Variants in CEP126 observed in about 807,000 individuals in gnomAD.
CEP126 encodes the protein centrosomal protein of 126 kDa.
In CEP126, 74 loss-of-function variants were observed where a neutral mutation model predicts 107.8. The observed-to-expected ratio is 0.69, with a 90% CI of 0.57 to 0.83. CEP126 has a LOEUF of 0.83. Ranked by LOEUF, CEP126 falls within the 40% of genes least tolerant of loss-of-function variation. CEP126 has a pLI of 0.00. For missense variants in CEP126, 1,237 were observed against 1,281.9 expected, an observed-to-expected ratio of 0.96 and a Z score of 0.53; for synonymous variants, 449 against 446.0, an observed-to-expected ratio of 1.01 and a Z score of -0.08.
chr11:101,936,868 C>T (rs1473203282), intron 2 of CEP126, among the ~76,000 whole-genome samples: 1 of 152,154 alleles, frequency 6.6e-6, no homozygotes, highest in Non-Finnish European at 1.5e-5. Context: ...ATTTCACATT[C>T]CATGGATAAC....
chr11:101,970,593 T>C (rs1440560070), intron 6 of CEP126, among the ~76,000 whole-genome samples: 1 of 152,182 alleles, frequency 6.6e-6, no homozygotes, highest in Non-Finnish European at 1.5e-5. Flanking sequence ...TATTTAAATC[T>C]GATTTCAAAA....
chr11:101,921,565 G>C (rs1591266687), intron 1 of CEP126, among the ~76,000 whole-genome samples: 1 of 151,654 alleles, frequency 6.6e-6, no homozygotes, highest in African/African-American at 2.4e-5. Flanking sequence ...AAATTGACTA[G>C]GTGTGGTGGC....
At chr11:101,927,228 G>A (rs192285954) in intron 2 of CEP126, among the ~76,000 whole-genome samples, 19 of 152,220 alleles carry the variant, frequency 1.2e-4, no homozygotes, top group African/African-American at 4.1e-4. Flanking sequence ...CCTGAACCTG[G>A]GAGGCAAAGG....
chr11:101,915,200 A>AG lies in CEP126; in HGVS notation c.-81dup. The AG allele has an allele frequency of 2.2e-5, 34 of 1,576,366 alleles. No homozygotes were observed. The highest frequency in any genetic ancestry group is 2.9e-5 in the Non-Finnish European group (34 of 1,158,444). On this transcript the variant is annotated 5_prime_UTR_variant, in exon 1 of 11. Coordinates refer to ENST00000263468, the MANE Select transcript of CEP126 (RefSeq NM_020802.4). ...GGGGCCTGAGAGACGGAGTGTAGGGAGGGGCCGAGCAGGAGGAGGAGGAAG... is the reference window on the plus strand; with the variant it reads ...GGGGCCTGAGAGACGGAGTGTAGGGAGGGGGCCGAGCAGGAGGAGGAGGAAG...
chr11:101,953,338 C>G (rs1940838190), intron 4 of CEP126, among the ~76,000 whole-genome samples: 1 of 152,074 alleles, frequency 6.6e-6, no homozygotes, highest in Admixed American at 6.6e-5. Context: ...ACTAATTATC[C>G]AGAGAAATAG....
chr11:101,955,846 A>G (rs1940879063), intron 4 of CEP126: 1 of 455,894 alleles, frequency 2.2e-6, no homozygotes, highest in South Asian at 1.6e-5. Flanking sequence ...TACCTGATCA[A>G]CTGTCTCCTC....
At chr11:101,979,749 T>C (rs116213936) in intron 7 of CEP126, among the ~76,000 whole-genome samples, 1,873 of 151,944 alleles carry the variant, frequency 0.012, 35 homozygotes, top group African/African-American at 0.042. Context: ...CAAAACAAAT[T>C]AAATAAATAA....
rs75903744 is a variant in CEP126, at chr11:101,931,403, G to A, written c.248+8643G>A. Among the ~76,000 whole-genome samples, 758 of 152,046 alleles carry A rather than the reference G, an allele frequency of 5.0e-3. 5 individuals carry two copies. The highest frequency in any genetic ancestry group is 0.017 in the African/African-American group (722 of 41,470). Reference sequence around the variant, plus strand: ...AGGATTTCAAATAATTTTATGTCTCGGAAAGCACAGGATTATAATCTGGGA... The same window carrying A: ...AGGATTTCAAATAATTTTATGTCTCAGAAAGCACAGGATTATAATCTGGGA... On this transcript the variant is annotated intron_variant, in intron 2 of 10. Coordinates refer to ENST00000263468, the MANE Select transcript of CEP126 (RefSeq NM_020802.4).
intron 6 of CEP126, among the ~76,000 whole-genome samples, chr11:101,966,939 T>TA (rs1183078731): frequency 6.6e-6 from 1 of 151,976 alleles, no homozygotes; most frequent in Non-Finnish European, 1.5e-5. Context: ...TCCCTACTCT[T>TA]ACTCCTACCA....
chr11:101,915,042 A>C lies in CEP126; in HGVS notation c.-243A>C, dbSNP rs1011931505. 1 of 461,168 alleles carries C rather than the reference A, an allele frequency of 2.2e-6. No homozygotes were observed. The highest frequency in any genetic ancestry group is 3.8e-6 in the Non-Finnish European group (1 of 262,512). The allele number at this position is 461,168 out of a possible 1,614,324, so 28.6% of individuals were successfully genotyped here. On this transcript the variant is annotated 5_prime_UTR_variant, in exon 1 of 11. Coordinates refer to ENST00000263468, the MANE Select transcript of CEP126 (RefSeq NM_020802.4). ...CGGTTGTTGTCAAGATGGCGGCTGC[A>C]GGGTTGCTGCCGCCCCATCTGCTAT...
chr11:101,997,163 G>A (rs1662319406), intron 10 of CEP126, among the ~76,000 whole-genome samples: 2 of 152,166 alleles, frequency 1.3e-5, no homozygotes, highest in African/African-American at 4.8e-5. Flanking sequence ...TCAGCCTCCC[G>A]AGCAGCTGGG....
At chr11:101,952,086 T>C (rs1053733653) in intron 4 of CEP126, among the ~76,000 whole-genome samples, 1 of 152,192 alleles carries the variant, frequency 6.6e-6, no homozygotes, top group East Asian at 1.9e-4. Flanking sequence ...CGAAGTTAGA[T>C]AGATGAGGAG....
chr11:101,992,170 C>T (rs199548195), intron 9 of CEP126, among the ~76,000 whole-genome samples: 2 of 58,272 alleles, frequency 3.4e-5, no homozygotes, highest in African/African-American at 1.2e-4. Flanking sequence ...AAATAAAAAG[C>T]AGGGAGCTAC....
At position 101,985,393 on chromosome 11, in the gene CEP126, C is replaced by T. The variant is rs918825129; in HGVS notation, c.3035-1439C>T. On this transcript the variant is annotated intron_variant, in intron 8 of 10. Coordinates refer to ENST00000263468, the MANE Select transcript of CEP126 (RefSeq NM_020802.4). Reference sequence around the variant, plus strand: ...CGCCTCTCAAGTTCAAGCAATTCTCCTGCATCAGCCTCCCAAGTAGCTGGG... The same window carrying T: ...CGCCTCTCAAGTTCAAGCAATTCTCTTGCATCAGCCTCCCAAGTAGCTGGG... Among the ~76,000 whole-genome samples the T allele has an allele frequency of 2.0e-5, 3 of 151,976 alleles. No homozygotes were observed. The South Asian group carries it at 6.2e-4, about 32-fold the overall frequency.
At chr11:101,942,123 G>C (rs79672284) in intron 2 of CEP126, among the ~76,000 whole-genome samples, 4,900 of 152,046 alleles carry the variant, frequency 0.032, 125 homozygotes, top group African/African-American at 0.067. Context: ...ATCCACAAAA[G>C]TTTTTAATTT....
chr11:101,995,635 T>G (rs760780858), intron 10 of CEP126, among the ~76,000 whole-genome samples: 12 of 152,184 alleles, frequency 7.9e-5, no homozygotes, highest in Non-Finnish European at 1.6e-4. Flanking sequence ...AGTGAAGTAG[T>G]CAGTCCAAGT....
chr11:101,986,334 T>C (rs1051049807), intron 8 of CEP126, among the ~76,000 whole-genome samples: 13 of 152,174 alleles, frequency 8.5e-5, no homozygotes, highest in Non-Finnish European at 1.3e-4. Context: ...ATCTTTCCCT[T>C]CTGTCAAATA....
intron 2 of CEP126, among the ~76,000 whole-genome samples, chr11:101,926,259 C>T (rs143105468): frequency 4.8e-4 from 73 of 152,082 alleles, no homozygotes; most frequent in African/African-American, 1.5e-3. Context: ...CAAAGTCTCT[C>T]GTATTAGTTA....
intron 2 of CEP126, among the ~76,000 whole-genome samples, chr11:101,938,169 A>AAAAAAAAAAAAAAAAAAC (rs1565353082): frequency 7.0e-6 from 1 of 143,854 alleles, no homozygotes; most frequent in African/African-American, 2.6e-5. Context: ...CAAAAAAAAA[A>AAAAAAAAAAAAAAAAAAC]AAAAAAATAC....
Sources: allele counts gnomAD v4.1 joint callset (sites outside exome capture counted in the v4.1 genomes callset), GRCh38; gene constraint gnomAD v4.1.1; transcripts MANE v1.5; gene names NCBI Gene and HGNC (gene_info 2026-07-23, HGNC 2026-07-21).